The following STK24 variants were observed in gnomAD, a reference collection of about 807,000 sequenced individuals.
STK24 encodes serine/threonine kinase 24.
STK24 carries 21 observed loss-of-function variants against 55.6 expected under a neutral mutation model. That is an observed-to-expected ratio of 0.38 (90% CI 0.27 to 0.54). The LOEUF (loss-of-function observed/expected upper bound fraction) is 0.54, where lower values mean the gene tolerates loss of function less well. Among genes scored for constraint, STK24 ranks in the 20% least tolerant of loss-of-function variants. The pLI, the probability that STK24 is intolerant of heterozygous loss-of-function variation, is 0.79. For missense variants in STK24, 383 were observed against 538.4 expected, an observed-to-expected ratio of 0.71 and a Z score of 2.86; for synonymous variants, 200 against 215.2, an observed-to-expected ratio of 0.93 and a Z score of 0.62.
intron 1 of STK24, among the ~76,000 whole-genome samples, chr13:98,552,955 G>A (rs970318934): frequency 4.6e-5 from 7 of 152,100 alleles, no homozygotes; most frequent in East Asian, 1.9e-4. Flanking sequence ...CACCGTCAGC[G>A]ATGGATTCAG....
At chr13:98,496,844 G>GT (rs770008244) in intron 2 of STK24, among the ~76,000 whole-genome samples, 1 of 152,222 alleles carries the variant, frequency 6.6e-6, no homozygotes, top group African/African-American at 2.4e-5. Context: ...ACATTTGCAA[G>GT]TAACTCTTAA....
rs146162409 is a variant in STK24, at chr13:98,509,267, A to G, written c.273+9976T>C. On this transcript the variant is annotated intron_variant, in intron 2 of 10. Transcript: ENST00000539966. ...AACATAAAATACTGTTATAGCTAAGAGATTGGTGAAAGAAAGTTTTATAGT... is the reference window on the plus strand; with the variant it reads ...AACATAAAATACTGTTATAGCTAAGGGATTGGTGAAAGAAAGTTTTATAGT... Among the ~76,000 whole-genome samples the G allele has an allele frequency of 3.6e-4, 55 of 152,346 alleles. 1 individual carries two copies. The highest frequency in any genetic ancestry group is 1.3e-3 in the African/African-American group (53 of 41,580).
chr13:98,512,571 GTTTT>G (rs11434391), intron 2 of STK24, among the ~76,000 whole-genome samples: 3 of 141,464 alleles, frequency 2.1e-5, no homozygotes, highest in African/African-American at 5.1e-5. Flanking sequence ...CACAAAGTAA[GTTTT>G]TTTTTTTTTT....
chr13:98,552,703 G>A lies in STK24; in HGVS notation c.42+24042C>T, dbSNP rs532108587. 1.2e-4 allele frequency among the ~76,000 whole-genome samples: 19 copies of A among 152,194 alleles called. No homozygotes were observed. In the South Asian group the frequency reaches 2.7e-3, roughly 22 times the overall value. Reference sequence around the variant, plus strand: ...GCTTTCTGAGTGGCAGACCAGCCACGGGGACCCAGGATCTGCCACTCCAGA... The same window carrying A: ...GCTTTCTGAGTGGCAGACCAGCCACAGGGACCCAGGATCTGCCACTCCAGA... On this transcript the variant is annotated intron_variant, in intron 1 of 10. Transcript: ENST00000539966.
chr13:98,546,646 C>A (rs1234155841), intron 1 of STK24, among the ~76,000 whole-genome samples: 1 of 152,178 alleles, frequency 6.6e-6, no homozygotes, highest in Non-Finnish European at 1.5e-5. Flanking sequence ...CCACAACAGG[C>A]CTGAGCTTCA....
In STK24 at chr13:98,483,678, G is replaced by A. The variant is rs555368675; in HGVS notation, c.274-1357C>T. Among the ~76,000 whole-genome samples the A allele has an allele frequency of 2.0e-5, 3 of 152,308 alleles. No homozygotes were observed. In the East Asian group the frequency reaches 5.8e-4, roughly 29 times the overall value. On this transcript the variant is annotated intron_variant, in intron 2 of 10. Transcript: ENST00000539966. The stretch of plus-strand genomic sequence containing the variant: ...ATCTATTGCTCTGATTTTCATTTCA[G>A]GTTTACTTCTCTGCATTTTCCACTT...
At chr13:98,491,459 A>G (rs1895030343) in intron 2 of STK24, among the ~76,000 whole-genome samples, 1 of 152,212 alleles carries the variant, frequency 6.6e-6, no homozygotes, top group African/African-American at 2.4e-5. Flanking sequence ...TAACATCAAC[A>G]TCAACTTAAA....
chr13:98,472,855 T>A (rs750293472), intron 5 of STK24, among the ~76,000 whole-genome samples: 1 of 152,198 alleles, frequency 6.6e-6, no homozygotes, highest in Non-Finnish European at 1.5e-5. Flanking sequence ...AAAACACCAA[T>A]TAAAGCTGTG....
At chr13:98,565,957 A>T (rs771750386) in intron 1 of STK24, among the ~76,000 whole-genome samples, 44 of 152,210 alleles carry the variant, frequency 2.9e-4, no homozygotes, top group Non-Finnish European at 5.6e-4. Flanking sequence ...GGTGGGCTGA[A>T]GGCCCAGGGC....
chr13:98,465,846 A>C (rs1893907988), intron 6 of STK24, among the ~76,000 whole-genome samples: 1 of 152,232 alleles, frequency 6.6e-6, no homozygotes, highest in Admixed American at 6.5e-5. Flanking sequence ...GCAAAGCCAC[A>C]CAGTCGTTAC....
intron 1 of STK24, among the ~76,000 whole-genome samples, chr13:98,551,284 T>TAAAAA (rs1695314495): frequency 7.5e-6 from 1 of 132,844 alleles, no homozygotes; most frequent in African/African-American, 3.2e-5. Context: ...AGACTCTGTC[T>TAAAAA]CAAAAAAAAA....
chr13:98,475,151 A>G (rs1894316377), intron 4 of STK24, 99 bp downstream of exon 4: 2 of 1,392,402 alleles, frequency 1.4e-6, no homozygotes, highest in Admixed American at 2.3e-5. Flanking sequence ...GCAAACGTGC[A>G]GGACAAATGG....
intron 2 of STK24, among the ~76,000 whole-genome samples, chr13:98,494,760 A>G (rs957306275): frequency 1.3e-5 from 2 of 152,206 alleles, no homozygotes; most frequent in African/African-American, 4.8e-5. Context: ...CTTGATTTAT[A>G]ATAAGTTTGT....
At chr13:98,558,685 G>A (rs1332126047) in intron 1 of STK24, among the ~76,000 whole-genome samples, 1 of 152,090 alleles carries the variant, frequency 6.6e-6, no homozygotes, top group African/African-American at 2.4e-5. Flanking sequence ...CAACTTAACT[G>A]CTATTTCCAA....
chr13:98,538,461 G>A (rs1896796536), intron 1 of STK24, among the ~76,000 whole-genome samples: 1 of 151,924 alleles, frequency 6.6e-6, no homozygotes, highest in Non-Finnish European at 1.5e-5. Flanking sequence ...CTGACCTCAG[G>A]TGATCCTCCC....
intron 1 of STK24, chr13:98,542,836 C>T (rs12853561): frequency 0.51 from 505,967 of 982,960 alleles, 130,353 homozygotes; most frequent in Non-Finnish European, 0.52. Context: ...CAAGTACCAA[C>T]GCTTACCCTG....
rs1300678884 is a variant in STK24 at position 98,514,123 on chromosome 13, ATAGTAAGT to A, written c.273+5112_273+5119del. Among the ~76,000 whole-genome samples the A allele has an allele frequency of 2.1e-3, 319 of 152,352 alleles. 3 individuals carry two copies. Among genetic ancestry groups the A allele is most frequent in the African/African-American group, 7.3e-3 (303 of 41,572 alleles). Reference sequence around the variant, plus strand: ...TCACGGTGTTTTTCTGCAGATAGGCATAGTAAGTAGGCTGATTATTTTCTATTGTCCAA... The same window carrying A: ...TCACGGTGTTTTTCTGCAGATAGGCAAGGCTGATTATTTTCTATTGTCCAA... On this transcript the variant is annotated intron_variant, in intron 2 of 10. Transcript: ENST00000539966.
intron 1 of STK24, among the ~76,000 whole-genome samples, chr13:98,526,358 G>A (rs561115795): frequency 2.0e-5 from 3 of 152,314 alleles, no homozygotes; most frequent in Non-Finnish European, 2.9e-5. Context: ...GGGTGTACTT[G>A]TTCCAGGCTC....
intron 1 of STK24, among the ~76,000 whole-genome samples, chr13:98,547,886 C>A (rs1897065339): frequency 6.6e-6 from 1 of 152,188 alleles, no homozygotes; most frequent in Admixed American, 6.5e-5. Context: ...GTAAACTGAT[C>A]CCACACTGTA....
Sources: allele counts gnomAD v4.1 joint callset (sites outside exome capture counted in the v4.1 genomes callset), GRCh38; gene constraint gnomAD v4.1.1; transcripts MANE v1.5; gene names NCBI Gene and HGNC (gene_info 2026-07-23, HGNC 2026-07-21).